Variants in OCA2 observed in about 807,000 individuals in gnomAD.
The protein encoded by OCA2 is OCA2 melanosomal transmembrane protein, also known as P protein.
A neutral mutation model predicts 100.2 loss-of-function variants in OCA2; 77 were observed. The ratio of observed to expected loss-of-function variants is 0.77; its 90% CI spans 0.64 to 0.93. OCA2 has a LOEUF of 0.93. Among genes scored for constraint, OCA2 ranks in the 40% least tolerant of loss-of-function variants. The pLI is 0.00. For synonymous variants in OCA2, 432 were observed against 439.2 expected, an observed-to-expected ratio of 0.98 and a Z score of 0.21; for missense variants, 1,062 against 1,089.1, an observed-to-expected ratio of 0.98 and a Z score of 0.35.
intron 23 of OCA2, 35 bp downstream of exon 23, chr15:27,844,924 G>C: frequency 6.9e-7 from 1 of 1,442,600 alleles, no homozygotes; most frequent in African/African-American, 1.4e-5. Context: ...GAACTAGACA[G>C]TTTAACAGAA....
chr15:28,038,234 A>C (rs2043103178), intron 2 of OCA2, among the ~76,000 whole-genome samples: 1 of 152,234 alleles, frequency 6.6e-6, no homozygotes, highest in Non-Finnish European at 1.5e-5. Flanking sequence ...GCAACCACAC[A>C]GAACACAGCC....
At chr15:27,733,386 G>A in the OCA2 span, among the ~76,000 whole-genome samples, 1 of 152,170 alleles carries the variant, frequency 6.6e-6, no homozygotes, top group Non-Finnish European at 1.5e-5. Context: ...TCTCCAGCCC[G>A]CCCACACTGG....
At chr15:27,924,461 T>A (rs985471757) in intron 19 of OCA2, among the ~76,000 whole-genome samples, 1 of 148,708 alleles carries the variant, frequency 6.7e-6, no homozygotes, top group Non-Finnish European at 1.5e-5. Flanking sequence ...ATTGAAATGA[T>A]AAAACTATTA....
At chr15:27,952,306 C>T (rs1302109215) in intron 17 of OCA2, among the ~76,000 whole-genome samples, 1 of 152,238 alleles carries the variant, frequency 6.6e-6, no homozygotes, top group East Asian at 1.9e-4. Context: ...CTTTACACGA[C>T]ATGCATGAGG....
intron 23 of OCA2, among the ~76,000 whole-genome samples, chr15:27,776,101 T>C (rs2151068049): frequency 6.6e-6 from 1 of 152,346 alleles, no homozygotes; most frequent in Admixed American, 6.5e-5. Context: ...GCCTTTGTAG[T>C]CTGTCACCCA....
chr15:27,872,001 G>A, intron 19 of OCA2, 79 bp from the exon 20 acceptor site: 2 of 1,041,738 alleles, frequency 1.9e-6, no homozygotes, highest in South Asian at 1.3e-5. Context: ...TCTTGAAAAT[G>A]AAAAGACGTG....
chr15:28,026,157 A>G (rs1193826073), intron 4 of OCA2, among the ~76,000 whole-genome samples: 1 of 152,234 alleles, frequency 6.6e-6, no homozygotes, highest in Admixed American at 6.5e-5. Context: ...CACGCATGGT[A>G]CTTTTTAGAC....
chr15:28,083,339 C>A (rs56839008), intron 1 of OCA2, among the ~76,000 whole-genome samples: 1 of 152,098 alleles, frequency 6.6e-6, no homozygotes, highest in African/African-American at 2.4e-5. Flanking sequence ...GAAACCTGAA[C>A]GACCAAGGAA....
At chr15:27,744,196 G>A in the OCA2 span, among the ~76,000 whole-genome samples, 2 of 152,158 alleles carry the variant, frequency 1.3e-5, no homozygotes, top group African/African-American at 2.4e-5. Context: ...CAGCCCCTCC[G>A]CACCCTCAGC....
intron 15 of OCA2, among the ~76,000 whole-genome samples, chr15:27,958,889 G>A (rs538044425): frequency 2.0e-5 from 3 of 152,274 alleles, no homozygotes; most frequent in South Asian, 4.1e-4. Flanking sequence ...GCAGCTCGGG[G>A]CAGATTCAAG....
chr15:28,068,572 C>T (rs1443667589), intron 2 of OCA2, among the ~76,000 whole-genome samples: 1 of 152,236 alleles, frequency 6.6e-6, no homozygotes, highest in East Asian at 1.9e-4. Flanking sequence ...GAAGGAGGGG[C>T]TCTGCCCCAA....
downstream of OCA2, among the ~76,000 whole-genome samples, chr15:27,752,672 G>A (rs142475449): frequency 2.6e-5 from 4 of 152,034 alleles, no homozygotes; most frequent in Non-Finnish European, 5.9e-5. Flanking sequence ...AACTCAGGAT[G>A]ATTCCCACAG....
At chr15:28,058,382 A>C (rs72712681) in intron 2 of OCA2, among the ~76,000 whole-genome samples, 16,895 of 152,012 alleles carry the variant, frequency 0.11, 1,225 homozygotes, top group African/African-American at 0.21. Flanking sequence ...CCTTTGTCCG[A>C]TTTTTTCTGA....
At chr15:28,016,241 G>T (rs776780430) in intron 7 of OCA2, 55 bp from the exon 8 acceptor site, 66 of 1,350,568 alleles carry the variant, frequency 4.9e-5, no homozygotes, top group Non-Finnish European at 6.9e-5. Flanking sequence ...GACACCATCT[G>T]GGATCTGGCA....
chr15:27,825,668 G>A (rs926162227), intron 23 of OCA2, among the ~76,000 whole-genome samples: 9 of 152,122 alleles, frequency 5.9e-5, no homozygotes, highest in African/African-American at 1.4e-4. Context: ...TGATGTCCCC[G>A]GCCTCCATGG....
chr15:27,922,375 T>C (rs553947059), intron 19 of OCA2, among the ~76,000 whole-genome samples: 3 of 152,366 alleles, frequency 2.0e-5, no homozygotes, highest in Admixed American at 6.5e-5. Flanking sequence ...CAGCACCATA[T>C]AGCATCTTAA....
intron 5 of OCA2, 60 bp from the exon 6 acceptor site, chr15:28,022,633 T>C: frequency 1.5e-6 from 2 of 1,303,582 alleles, no homozygotes; most frequent in South Asian, 1.2e-5. Context: ...AAGGTATAAA[T>C]CATTTTGATA....
At chr15:28,027,794 T>G in intron 4 of OCA2, 77 bp downstream of exon 4, 1 of 1,452,002 alleles carries the variant, frequency 6.9e-7, no homozygotes, top group South Asian at 1.2e-5. Context: ...GCTGCTGGTT[T>G]GAAAGATGGA....
At chr15:27,802,779 A>C (rs1357598225) in intron 23 of OCA2, among the ~76,000 whole-genome samples, 3 of 152,214 alleles carry the variant, frequency 2.0e-5, no homozygotes, top group Non-Finnish European at 2.9e-5. Context: ...CTCAGGAGGG[A>C]TCACAGACCT....
Sources: allele counts gnomAD v4.1 joint callset (sites outside exome capture counted in the v4.1 genomes callset), GRCh38; gene constraint gnomAD v4.1.1; transcripts MANE v1.5; gene names NCBI Gene and HGNC (gene_info 2026-07-23, HGNC 2026-07-21).